Variants in NCALD observed in about 807,000 individuals in gnomAD.
The protein encoded by NCALD is neurocalcin delta, also known as neurocalcin-delta.
Under a neutral mutation model 18.6 loss-of-function variants are expected in NCALD, and 10 were observed. That is an observed-to-expected ratio of 0.54 (90% confidence interval 0.33 to 0.91). The LOEUF is 0.91. Ranked by LOEUF, NCALD falls within the 40% of genes least tolerant of loss-of-function variation. The pLI is 0.03. For synonymous variants in NCALD, 88 were observed against 87.4 expected (o/e 1.01, Z -0.04); for missense variants, 184 against 247.6 (o/e 0.74, Z 1.72).
At chr8:101,969,640 A>G (rs2131888500) in intron 2 of NCALD, among the ~76,000 whole-genome samples, 1 of 151,942 alleles carries the variant, frequency 6.6e-6, no homozygotes, top group Non-Finnish European at 1.5e-5. Context: ...GCAAAAAAAG[A>G]CACACCTCAG....
At chr8:101,913,390 T>C (rs900089078) in intron 3 of NCALD, among the ~76,000 whole-genome samples, 1 of 152,250 alleles carries the variant, frequency 6.6e-6, no homozygotes, top group African/African-American at 2.4e-5. Flanking sequence ...CTTTATCCAA[T>C]TCAAAACTTG....
intron 1 of NCALD, among the ~76,000 whole-genome samples, chr8:101,754,993 C>T (rs1810815434): frequency 2.6e-5 from 4 of 152,218 alleles, no homozygotes; most frequent in Non-Finnish European, 5.9e-5. Flanking sequence ...AACTCCAAGG[C>T]CAGTGCCCTT....
At chr8:101,934,134 T>C (rs1370215950) in intron 2 of NCALD, among the ~76,000 whole-genome samples, 1 of 152,190 alleles carries the variant, frequency 6.6e-6, no homozygotes, top group Non-Finnish European at 1.5e-5. Context: ...AGTTCTGTAC[T>C]AGGTGCAGGG....
At chr8:101,734,512 C>T (rs1170110139) in intron 1 of NCALD, among the ~76,000 whole-genome samples, 3 of 152,208 alleles carry the variant, frequency 2.0e-5, no homozygotes, top group East Asian at 1.9e-4. Flanking sequence ...CTGACAGATG[C>T]TTAATAAGCA....
intron 2 of NCALD, among the ~76,000 whole-genome samples, chr8:102,002,113 T>C (rs934830978): frequency 5.9e-5 from 9 of 152,208 alleles, no homozygotes; most frequent in African/African-American, 2.2e-4. Flanking sequence ...CCCATCAGTG[T>C]GCTGTATTCA....
At chr8:102,082,376 G>A (rs890684250) in intron 1 of NCALD, among the ~76,000 whole-genome samples, 1 of 151,782 alleles carries the variant, frequency 6.6e-6, no homozygotes, top group African/African-American at 2.4e-5. Flanking sequence ...TGGGACTACA[G>A]GTGCCAGCCA....
At chr8:101,809,772 T>C (rs1042225457) in intron 4 of NCALD, among the ~76,000 whole-genome samples, 3 of 152,182 alleles carry the variant, frequency 2.0e-5, no homozygotes, top group Admixed American at 2.0e-4. Context: ...CTTGAACTCC[T>C]GATCTCAAGT....
At chr8:102,101,049 A>G (rs961404864) in intron 1 of NCALD, among the ~76,000 whole-genome samples, 2 of 152,190 alleles carry the variant, frequency 1.3e-5, no homozygotes, top group African/African-American at 4.8e-5. Flanking sequence ...TTAAAATGGT[A>G]AAGTTTATGT....
At chr8:101,893,968 C>T (rs1219392637) in intron 3 of NCALD, among the ~76,000 whole-genome samples, 1 of 146,702 alleles carries the variant, frequency 6.8e-6, no homozygotes, top group East Asian at 1.9e-4. Flanking sequence ...GACAGAAAGT[C>T]AACAAGGATA....
At chr8:102,035,889 T>C (rs1005328996) in intron 1 of NCALD, among the ~76,000 whole-genome samples, 8 of 152,158 alleles carry the variant, frequency 5.3e-5, no homozygotes, top group African/African-American at 2.4e-5. Flanking sequence ...TAACTGCATA[T>C]GTTACTTATA....
At chr8:101,702,823 G>A (rs923255075) in intron 2 of NCALD, among the ~76,000 whole-genome samples, 5 of 152,226 alleles carry the variant, frequency 3.3e-5, no homozygotes, top group African/African-American at 1.2e-4. Flanking sequence ...CTCCCAATGT[G>A]CTTTCCAAGA....
intron 1 of NCALD, among the ~76,000 whole-genome samples, chr8:102,049,300 C>A (rs2132212396): frequency 6.6e-6 from 1 of 152,320 alleles, no homozygotes; most frequent in Non-Finnish European, 1.5e-5. Flanking sequence ...CCGCATGGAT[C>A]CAATCCCCCA....
intron 4 of NCALD, among the ~76,000 whole-genome samples, chr8:101,878,443 GT>G (rs1292868689): frequency 5.9e-5 from 9 of 152,150 alleles, no homozygotes; most frequent in African/African-American, 2.2e-4. Flanking sequence ...AGCCATTTGG[GT>G]TTTAAATATA....
chr8:101,797,318 T>G (rs1351972303), intron 4 of NCALD, among the ~76,000 whole-genome samples: 2 of 152,072 alleles, frequency 1.3e-5, no homozygotes, highest in African/African-American at 4.8e-5. Flanking sequence ...CCTAGAAACC[T>G]CATAATCAAC....
intron 2 of NCALD, among the ~76,000 whole-genome samples, chr8:101,933,980 C>T (rs1375666756): frequency 1.3e-5 from 2 of 152,036 alleles, no homozygotes; most frequent in African/African-American, 4.8e-5. Flanking sequence ...ATGCAAATGA[C>T]ATGTATATCA....
At chr8:101,754,450 A>G (rs1313891518) in intron 1 of NCALD, among the ~76,000 whole-genome samples, 1 of 152,152 alleles carries the variant, frequency 6.6e-6, no homozygotes, top group African/African-American at 2.4e-5. Flanking sequence ...TGAAGGTGGC[A>G]GCAGATTTGA....
At chr8:101,899,881 A>G (rs1000944115) in intron 3 of NCALD, among the ~76,000 whole-genome samples, 4 of 151,900 alleles carry the variant, frequency 2.6e-5, no homozygotes, top group African/African-American at 9.7e-5. Context: ...TTTCAGCTTC[A>G]TAAAATGAAT....
chr8:101,714,951 T>C (rs1365126926), intron 2 of NCALD, among the ~76,000 whole-genome samples: 21 of 148,752 alleles, frequency 1.4e-4, no homozygotes, highest in Non-Finnish European at 5.9e-5. Flanking sequence ...GAGCCGAGAT[T>C]GCGCCACTGC....
chr8:102,099,023 G>C (rs753524937), intron 1 of NCALD, among the ~76,000 whole-genome samples: 3 of 152,200 alleles, frequency 2.0e-5, no homozygotes, highest in Non-Finnish European at 2.9e-5. Context: ...CCCTATTGGA[G>C]AGAACCAACT....
Sources: gnomAD v4.1 joint callset for allele counts (sites outside exome capture counted in the v4.1 genomes callset) on GRCh38, gnomAD v4.1.1 for gene constraint, MANE v1.5 for transcripts, NCBI Gene and HGNC (gene_info 2026-07-23, HGNC 2026-07-21) for gene names.